The following AGFG1 variants were observed in gnomAD, a reference collection of about 807,000 sequenced individuals.
AGFG1 encodes the protein ArfGAP with FG repeats 1, also known as arf-GAP domain and FG repeat-containing protein 1.
A neutral mutation model predicts 60.6 loss-of-function variants in AGFG1; 10 were observed. The ratio of observed to expected loss-of-function variants is 0.16; its 90% CI spans 0.10 to 0.28. AGFG1 has a LOEUF of 0.28. AGFG1 is among the 10% of genes least tolerant of loss of function. The pLI is 1.00. For synonymous variants in AGFG1, 247 were observed against 242.9 expected (o/e 1.02, Z -0.16); for missense variants, 537 against 676.5 (o/e 0.79, Z 2.29).
At chr2:227,523,742 A>G (rs193094174) in intron 3 of AGFG1, 21 bp from the exon 4 acceptor site, 197 of 1,579,960 alleles carry the variant, frequency 1.2e-4, no homozygotes, top group Middle Eastern at 6.8e-4. Context: ...TTTTTAGTTA[A>G]CTGTTTTTTA....
intron 10 of AGFG1, among the ~76,000 whole-genome samples, chr2:227,544,376 G>A (rs111652922): frequency 0.053 from 8,122 of 152,002 alleles, 272 homozygotes; most frequent in African/African-American, 0.096. Flanking sequence ...GGATGGTGTC[G>A]ATCTCCTGAC....
chr2:227,507,264 A>G (rs1691343542), intron 2 of AGFG1, among the ~76,000 whole-genome samples: 1 of 152,172 alleles, frequency 6.6e-6, no homozygotes, highest in African/African-American at 2.4e-5. Flanking sequence ...GCTACATAAC[A>G]TAAAAATGCG....
In AGFG1 at chr2:227,531,969, C is replaced by G. The variant is rs536262528; in HGVS notation, c.814+759C>G. On this transcript the variant is annotated intron_variant, in intron 6 of 12. Transcript: ENST00000310078. ...GGTGTTTAAACATTGAATACTCTTT[C>G]CATAAATTGTGCTGTTTTCGTAAAC... 7.9e-5 allele frequency among the ~76,000 whole-genome samples: 12 copies of G among 152,262 alleles called. 1 individual carries two copies. In the East Asian group the frequency reaches 2.3e-3, roughly 29 times the overall value.
intron 2 of AGFG1, among the ~76,000 whole-genome samples, chr2:227,511,093 A>G (rs1347176190): frequency 6.6e-6 from 1 of 152,200 alleles, no homozygotes; most frequent in Non-Finnish European, 1.5e-5. Flanking sequence ...CAGTATGTAT[A>G]ATAAATTGGC....
intron 2 of AGFG1, among the ~76,000 whole-genome samples, chr2:227,504,328 G>T (rs2106186261): frequency 6.6e-6 from 1 of 152,096 alleles, no homozygotes; most frequent in Middle Eastern, 3.4e-3. Context: ...AAGCACCTGG[G>T]ACCACAGGCA....
At chr2:227,505,546 C>T (rs1052458969) in intron 2 of AGFG1, among the ~76,000 whole-genome samples, 55 of 152,162 alleles carry the variant, frequency 3.6e-4, no homozygotes, top group Non-Finnish European at 6.0e-4. Context: ...CAATTTCTCT[C>T]TTATCCTAAG....
intron 11 of AGFG1, among the ~76,000 whole-genome samples, chr2:227,552,946 G>A (rs1692863831): frequency 7.2e-6 from 1 of 138,460 alleles, no homozygotes; most frequent in Admixed American, 8.0e-5. Context: ...AGGTTGTGGT[G>A]AGCCGAGATC....
intron 8 of AGFG1, among the ~76,000 whole-genome samples, 200 bp from the exon 9 acceptor site, chr2:227,536,425 A>AT (rs554351218): frequency 6.6e-6 from 1 of 151,936 alleles, no homozygotes; most frequent in Non-Finnish European, 1.5e-5. Flanking sequence ...TGTATTTTTT[A>AT]TTTTTTTATG....
chr2:227,473,966 T>G (rs1280524780), intron 1 of AGFG1, among the ~76,000 whole-genome samples: 1 of 152,214 alleles, frequency 6.6e-6, no homozygotes, highest in East Asian at 1.9e-4. Flanking sequence ...GATGCAAAAG[T>G]AAGAAAAATG....
rs1336638772 is a variant in AGFG1, at chr2:227,561,158, A to G, written c.*6663A>G. ...GATAAATTTGGTTAAGTTCTTGTTC[A>G]TTGTGAAATACTGTTGGAAGAATTT... On this transcript the variant is annotated 3_prime_UTR_variant, in exon 13 of 13. Transcript: ENST00000310078. The G allele has an allele frequency of 1.3e-5, 2 of 152,166 alleles. No individual in the cohort carries two copies. Among genetic ancestry groups the G allele is most frequent in the East Asian group, 1.9e-4 (1 of 5,202 alleles). 9.4% of individuals were successfully genotyped at this position (152,166 alleles called of 1,614,324 possible).
intron 5 of AGFG1, 34 bp from the exon 6 acceptor site, chr2:227,531,057 T>C: frequency 1.3e-6 from 2 of 1,567,874 alleles, no homozygotes; most frequent in African/African-American, 2.7e-5. Flanking sequence ...AGTTTTCATA[T>C]TCATTAACAT....
intron 3 of AGFG1, 77 bp downstream of exon 3, chr2:227,520,140 A>G (rs1691782594): frequency 3.5e-6 from 3 of 848,836 alleles, no homozygotes; most frequent in Non-Finnish European, 5.6e-6. Flanking sequence ...GTCTGACACA[A>G]TGAAGGATAA....
chr2:227,512,436 C>T (rs763287455), intron 2 of AGFG1, among the ~76,000 whole-genome samples: 4 of 152,144 alleles, frequency 2.6e-5, no homozygotes, highest in Non-Finnish European at 5.9e-5. Context: ...TCTAGCAATA[C>T]AGTCAAAGTA....
At chr2:227,521,435 GT>G (rs1691825120) in intron 3 of AGFG1, among the ~76,000 whole-genome samples, 1 of 152,144 alleles carries the variant, frequency 6.6e-6, no homozygotes, top group Non-Finnish European at 1.5e-5. Context: ...AAGACATCAA[GT>G]ATGAAAATAG....
At chr2:227,536,769 T>C in intron 9 of AGFG1, 65 bp downstream of exon 9, 1 of 1,577,880 alleles carries the variant, frequency 6.3e-7, no homozygotes, top group Non-Finnish European at 8.7e-7. Flanking sequence ...TGTAGCATTT[T>C]CTTAGGAGTC....
intron 1 of AGFG1, among the ~76,000 whole-genome samples, chr2:227,478,612 G>A (rs1690361193): frequency 6.6e-6 from 1 of 152,142 alleles, no homozygotes; most frequent in African/African-American, 2.4e-5. Flanking sequence ...GGGATTACAG[G>A]CGTGAATTAC....
At position 227,561,173 on chromosome 2, in the gene AGFG1, T is replaced by C. The variant is rs1257572143; in HGVS notation, c.*6678T>C. 1.3e-5 allele frequency: 2 copies of C among 152,180 alleles called. No homozygotes were observed. Among genetic ancestry groups the C allele is most frequent in the Non-Finnish European group, 2.9e-5 (2 of 67,992 alleles). 9.4% of individuals were successfully genotyped at this position (152,180 alleles called of 1,614,324 possible). On this transcript the variant is annotated 3_prime_UTR_variant, in exon 13 of 13. Transcript: ENST00000310078. ...GTTCTTGTTCATTGTGAAATACTGT[T>C]GGAAGAATTTTTTTCAAAATAAAGA... is the stretch of plus-strand genomic sequence containing the variant.
At chr2:227,491,080 T>C (rs901301416) in intron 1 of AGFG1, among the ~76,000 whole-genome samples, 3 of 152,196 alleles carry the variant, frequency 2.0e-5, no homozygotes, top group Admixed American at 2.0e-4. Flanking sequence ...ACTTGTAATA[T>C]AGTTTTCTAA....
intron 2 of AGFG1, among the ~76,000 whole-genome samples, chr2:227,515,109 C>A (rs931251989): frequency 6.6e-6 from 1 of 152,050 alleles, no homozygotes; most frequent in Admixed American, 6.6e-5. Flanking sequence ...TTTGTAGAGA[C>A]TGTATTTTGC....
Sources: gnomAD v4.1 joint callset for allele counts (sites outside exome capture counted in the v4.1 genomes callset) on GRCh38, gnomAD v4.1.1 for gene constraint, MANE v1.5 for transcripts, NCBI Gene and HGNC (gene_info 2026-07-23, HGNC 2026-07-21) for gene names.